TMEM11: variants seen among roughly 807,000 people sequenced by gnomAD.
The protein encoded by TMEM11 is transmembrane protein 11, mitochondrial.
A neutral mutation model predicts 17.0 loss-of-function variants in TMEM11; 1 was observed. The observed-to-expected ratio is 0.06, with a 90% CI of 0.02 to 0.28. The LOEUF (loss-of-function observed/expected upper bound fraction) is 0.28. TMEM11 is among the 10% of genes least tolerant of loss of function. The pLI is 1.00. For missense variants in TMEM11, 172 were observed against 252.9 expected, an observed-to-expected ratio of 0.68 and a Z score of 2.17; for synonymous variants, 122 against 118.1, an observed-to-expected ratio of 1.03 and a Z score of -0.21.
chr17:21,211,396 G>C (rs1975001776), intron 1 of TMEM11, among the ~76,000 whole-genome samples: 1 of 152,214 alleles, frequency 6.6e-6, no homozygotes, highest in African/African-American at 2.4e-5. Flanking sequence ...GGCCGGAAGT[G>C]GCTATTGAGC....
chr17:21,202,219 G>A (rs1198323280), intron 1 of TMEM11, among the ~76,000 whole-genome samples: 3 of 152,206 alleles, frequency 2.0e-5, no homozygotes, highest in Admixed American at 6.5e-5. Flanking sequence ...GGACCAAATC[G>A]TGTCCCAATC....
chr17:21,204,007 T>TA (rs1413252252), intron 1 of TMEM11, among the ~76,000 whole-genome samples: 7 of 146,950 alleles, frequency 4.8e-5, no homozygotes, highest in African/African-American at 1.2e-4. Flanking sequence ...TTTTTTTTTT[T>TA]AAGTAAGAGC....
At chr17:21,207,661 G>A (rs1974956815) in intron 1 of TMEM11, among the ~76,000 whole-genome samples, 1 of 152,076 alleles carries the variant, frequency 6.6e-6, no homozygotes, top group Non-Finnish European at 1.5e-5. Flanking sequence ...GCCGAGGCGG[G>A]CGGATTACCT....
intron 1 of TMEM11, among the ~76,000 whole-genome samples, chr17:21,206,606 G>A (rs541724737): frequency 2.0e-5 from 3 of 152,090 alleles, no homozygotes; most frequent in South Asian, 2.1e-4. Flanking sequence ...GCACAATCTC[G>A]GAGCACTGCA....
chr17:21,210,899 T>C (rs1186704740), intron 1 of TMEM11: 5 of 1,248,656 alleles, frequency 4.0e-6, no homozygotes, highest in Middle Eastern at 3.2e-4. Context: ...CACGTGATTA[T>C]AAAAACAGGA....
rs1469762682 is a variant in TMEM11, at chr17:21,198,019, TAG to T, written c.*303_*304del. 1 of 308,134 alleles carries T rather than the reference TAG, an allele frequency of 3.2e-6. No homozygotes were observed. The highest frequency in any genetic ancestry group is 4.5e-5 in the Admixed American group (1 of 21,990). The allele number at this position is 308,134 out of a possible 1,614,324, so 19.1% of individuals were successfully genotyped here. ...GGCTCTGGATGGTACAGTTAAACAA[TAG>T]ACTTAAAGACCTCCCCCAAAGCACG... On this transcript the variant is annotated 3_prime_UTR_variant, in exon 2 of 2. Transcript: ENST00000317635. This position sits in a 1 kb window ranked among gnomAD's most constrained non-coding sequence, Gnocchi z 6.5.
In TMEM11 at chr17:21,211,938, C is replaced by T. The variant is rs1167549282; in HGVS notation, c.62+2153G>A. 2.0e-5 allele frequency among the ~76,000 whole-genome samples: 3 copies of T among 152,190 alleles called. No individual in the cohort carries two copies. In the East Asian group the frequency reaches 5.8e-4, roughly 29 times the overall value. On this transcript the variant is annotated intron_variant, in intron 1 of 1. Coordinates refer to ENST00000317635, the MANE Select transcript of TMEM11 (RefSeq NM_003876.3). The stretch of plus-strand genomic sequence containing the variant: ...AAGAGCCAATAATACACTCAGATCT[C>T]ATAATCTAGAGTGCTGGGCCATCAG...
chr17:21,214,020 C>T (rs1368392686), intron 1 of TMEM11, 71 bp downstream of exon 1: 3 of 1,456,370 alleles, frequency 2.1e-6, no homozygotes, highest in Non-Finnish European at 2.8e-6. Context: ...TGCTGCAGCC[C>T]TCGGAGGCCG....
At chr17:21,209,860 G>C (rs1027531601) in intron 1 of TMEM11, among the ~76,000 whole-genome samples, 3 of 152,220 alleles carry the variant, frequency 2.0e-5, no homozygotes, top group African/African-American at 7.2e-5. Context: ...CCAGGAGTCT[G>C]TCATGCCAGA....
In TMEM11 at chr17:21,198,054, C is replaced by T; in HGVS notation, c.*270G>A. The T allele has an allele frequency of 4.6e-6, 2 of 430,772 alleles. No homozygotes were observed. The highest frequency in any genetic ancestry group is 4.2e-5 in the South Asian group (1 of 23,786). The allele number at this position is 430,772 out of a possible 1,614,324, so 26.7% of individuals were successfully genotyped here. On this transcript the variant is annotated 3_prime_UTR_variant, in exon 2 of 2. Transcript: ENST00000317635. The surrounding 1 kb of genome is among the most constrained non-coding windows in gnomAD (Gnocchi z 6.5). ...GACCTCCCCCAAAGCACGTCCACACCCCCTCGGCAGCGTCTGCCTCCATCA... is the reference window on the plus strand; with the variant it reads ...GACCTCCCCCAAAGCACGTCCACACTCCCTCGGCAGCGTCTGCCTCCATCA...
intron 1 of TMEM11, among the ~76,000 whole-genome samples, chr17:21,199,987 G>C (rs1408803119): frequency 6.6e-6 from 1 of 152,194 alleles, no homozygotes; most frequent in African/African-American, 2.4e-5. Flanking sequence ...TGCACCACCG[G>C]CAAATGCCAC....
rs745956055 is a variant in TMEM11, at chr17:21,198,450, G to A, written c.453C>T (p.Leu151=). Residue 151 remains leucine, a synonymous_variant, in exon 2 of 2, where the codon CTC becomes CTT. Coordinates refer to ENST00000317635, the MANE Select transcript of TMEM11 (RefSeq NM_003876.3). This position sits in a 1 kb window ranked among gnomAD's most constrained non-coding sequence, Gnocchi z 6.5. The part of the protein sequence containing the change: ...YKLSRLPLHT[L]TSSTPVVLVR... ...CCAGCACCACCGGGGTGGAGGAGGT[G>A]AGTGTGTGCAGAGGCAGGCGCGACA... 5 of 1,614,252 alleles carry A rather than the reference G, an allele frequency of 3.1e-6. No individual in the cohort carries two copies. Among genetic ancestry groups the A allele is most frequent in the Non-Finnish European group, 4.2e-6 (5 of 1,180,046 alleles).
In TMEM11 at chr17:21,200,629, C is replaced by A. The variant is rs1261933995; in HGVS notation, c.63-1789G>T. ...CACTGCTCCCCTGCTGGAGTCCATG[C>A]CCTTCCAACTGGGAGGCTCTGGAAC... On this transcript the variant is annotated intron_variant, in intron 1 of 1. Coordinates refer to ENST00000317635, the MANE Select transcript of TMEM11 (RefSeq NM_003876.3). Among the ~76,000 whole-genome samples, 3 of 152,242 alleles carry A rather than the reference C, an allele frequency of 2.0e-5. No homozygotes were observed. In the East Asian group the frequency reaches 5.8e-4, roughly 29 times the overall value.
chr17:21,210,740 G>A (rs1031596640), intron 1 of TMEM11, among the ~76,000 whole-genome samples: 7 of 152,220 alleles, frequency 4.6e-5, no homozygotes, highest in Non-Finnish European at 1.0e-4. Flanking sequence ...CCTATAAAAC[G>A]CTGGAGCAGA....
At chr17:21,203,618 A>G (rs182780966) in intron 1 of TMEM11, among the ~76,000 whole-genome samples, 32 of 152,212 alleles carry the variant, frequency 2.1e-4, no homozygotes, top group African/African-American at 7.7e-4. Flanking sequence ...GAGGCACAAG[A>G]ATCACTTGAA....
intron 1 of TMEM11, among the ~76,000 whole-genome samples, chr17:21,201,838 C>A (rs1300706731): frequency 2.0e-5 from 3 of 152,184 alleles, no homozygotes; most frequent in Non-Finnish European, 4.4e-5. Flanking sequence ...TGCCATGTTG[C>A]CCAGGCTGGT....
intron 1 of TMEM11, among the ~76,000 whole-genome samples, chr17:21,202,689 C>T (rs895598147): frequency 6.6e-6 from 1 of 152,188 alleles, no homozygotes; most frequent in Non-Finnish European, 1.5e-5. Flanking sequence ...CTGGAAGCAG[C>T]GAGAAGCCAA....
chr17:21,205,723 C>G (rs1278508809), intron 1 of TMEM11, among the ~76,000 whole-genome samples: 1 of 151,952 alleles, frequency 6.6e-6, no homozygotes. Context: ...AACCCCAAGC[C>G]CCTGCAAACT....
At chr17:21,213,990 G>C in intron 1 of TMEM11, 101 bp downstream of exon 1, 1 of 1,153,460 alleles carries the variant, frequency 8.7e-7, no homozygotes, top group Non-Finnish European at 1.2e-6. Context: ...GGGAGCGCGG[G>C]GAAACCAGGG....
Sources: gnomAD v4.1 joint callset for allele counts (sites outside exome capture counted in the v4.1 genomes callset) on GRCh38, gnomAD v4.1.1 for gene constraint, Gnocchi (gnomAD v3.1) non-coding constraint, MANE v1.5 for transcripts, NCBI Gene and HGNC (gene_info 2026-07-23, HGNC 2026-07-21) for gene names.